The following PCDH15 variants were observed in gnomAD, a reference collection of about 807,000 sequenced individuals.
The protein encoded by PCDH15 is protocadherin-15.
A neutral mutation model predicts 178.5 loss-of-function variants in PCDH15; 129 were observed. The observed-to-expected ratio is 0.72, with a 90% CI of 0.63 to 0.84. PCDH15 has a LOEUF of 0.84. Ranked by LOEUF, PCDH15 falls within the 40% of genes least tolerant of loss-of-function variation. PCDH15 has a pLI of 0.00. For synonymous variants in PCDH15, 800 were observed against 732.0 expected (o/e 1.09, Z -1.50); for missense variants, 2,230 against 2,099.9 (o/e 1.06, Z -1.21).
At chr10:55,539,726 T>C (rs1392142150) in intron 2 of PCDH15, among the ~76,000 whole-genome samples, 2 of 152,120 alleles carry the variant, frequency 1.3e-5, no homozygotes, top group African/African-American at 4.8e-5. Context: ...ACACTATATA[T>C]CGTGAGTTTT....
At chr10:54,628,453 T>G (rs1467966545) in intron 2 of PCDH15, among the ~76,000 whole-genome samples, 2 of 152,174 alleles carry the variant, frequency 1.3e-5, no homozygotes, top group East Asian at 3.8e-4. Flanking sequence ...CCACAATTAT[T>G]TTCTTAAATT....
At chr10:55,394,296 C>T (rs1837871332) in intron 2 of PCDH15, among the ~76,000 whole-genome samples, 1 of 151,600 alleles carries the variant, frequency 6.6e-6, no homozygotes, top group Non-Finnish European at 1.5e-5. Flanking sequence ...CTTCTTTTCC[C>T]TTCATATTTG....
chr10:54,493,366 C>T (rs2079791340), intron 3 of PCDH15, among the ~76,000 whole-genome samples: 1 of 151,926 alleles, frequency 6.6e-6, no homozygotes, highest in Admixed American at 6.6e-5. Flanking sequence ...CTACACCTAC[C>T]CAACCAAGTG....
intron 1 of PCDH15, among the ~76,000 whole-genome samples, chr10:55,308,964 AC>A (rs1471365531): frequency 6.6e-5 from 10 of 152,196 alleles, no homozygotes; most frequent in African/African-American, 2.4e-4. Flanking sequence ...AATGTGAGTC[AC>A]AAAGCAATAC....
chr10:55,506,777 A>G (rs1252850351), intron 2 of PCDH15, among the ~76,000 whole-genome samples: 2 of 151,572 alleles, frequency 1.3e-5, no homozygotes, highest in Admixed American at 1.3e-4. Flanking sequence ...ATATTGTTTT[A>G]GAGCTATTTC....
At chr10:55,249,264 T>C in intron 1 of PCDH15, among the ~76,000 whole-genome samples, 1 of 152,172 alleles carries the variant, frequency 6.6e-6, no homozygotes, top group East Asian at 1.9e-4. Context: ...TCTAGATAGA[T>C]AAAGGACTTA....
At chr10:54,086,848 G>A (rs569142078) in intron 16 of PCDH15, among the ~76,000 whole-genome samples, 3 of 152,212 alleles carry the variant, frequency 2.0e-5, no homozygotes, top group Admixed American at 6.6e-5. Context: ...TAAGAATCAT[G>A]GTCAATTTAG....
intron 20 of PCDH15, among the ~76,000 whole-genome samples, chr10:54,016,331 C>A (rs2610866): frequency 0.76 from 115,922 of 151,710 alleles, 44,547 homozygotes; most frequent in Middle Eastern, 0.86. Flanking sequence ...TTCTCAAGGA[C>A]CTCAAAGCAA....
chr10:54,888,010 A>G (rs1954390107), intron 3 of PCDH15, among the ~76,000 whole-genome samples: 1 of 152,120 alleles, frequency 6.6e-6, no homozygotes, highest in Admixed American at 6.6e-5. Flanking sequence ...GTCCACAATG[A>G]GTATTTTTTA....
chr10:53,919,171 C>G (rs1324737994), intron 25 of PCDH15, among the ~76,000 whole-genome samples: 6 of 152,018 alleles, frequency 3.9e-5, no homozygotes, highest in Non-Finnish European at 7.4e-5. Context: ...TCTGGGAAGT[C>G]CCTTATCTTA....
chr10:55,441,349 C>G (rs1458923968), intron 2 of PCDH15, among the ~76,000 whole-genome samples: 1 of 152,068 alleles, frequency 6.6e-6, no homozygotes, highest in Non-Finnish European at 1.5e-5. Context: ...TGTGTTTGTT[C>G]TGAATTGCAA....
intron 2 of PCDH15, among the ~76,000 whole-genome samples, chr10:55,070,306 G>T (rs1320719209): frequency 3.3e-5 from 5 of 151,824 alleles, no homozygotes; most frequent in African/African-American, 4.8e-5. Context: ...GTCAATTTTG[G>T]CTTTTGTTGC....
At chr10:54,934,318 T>A (rs915254791) in intron 2 of PCDH15, among the ~76,000 whole-genome samples, 7 of 152,154 alleles carry the variant, frequency 4.6e-5, no homozygotes, top group African/African-American at 1.7e-4. Context: ...AAAATATTCA[T>A]GTGTATATAC....
intron 5 of PCDH15, among the ~76,000 whole-genome samples, chr10:54,347,139 G>T (rs1320456365): frequency 6.6e-6 from 1 of 152,094 alleles, no homozygotes; most frequent in Non-Finnish European, 1.5e-5. Flanking sequence ...TAAATTGCTA[G>T]TCTTAATTCT....
chr10:55,330,813 C>T (rs1490377396), intron 2 of PCDH15, among the ~76,000 whole-genome samples: 1 of 148,774 alleles, frequency 6.7e-6, no homozygotes, highest in Non-Finnish European at 1.5e-5. Flanking sequence ...TTCTCATTAT[C>T]TCTCTTAAAT....
At chr10:53,916,162 G>A (rs2083510573) in intron 25 of PCDH15, among the ~76,000 whole-genome samples, 2 of 152,112 alleles carry the variant, frequency 1.3e-5, no homozygotes, top group African/African-American at 4.8e-5. Context: ...TTCTGTGCAT[G>A]TTCATTGTAG....
chr10:55,136,652 A>G (rs2132083501), intron 2 of PCDH15, among the ~76,000 whole-genome samples: 1 of 152,208 alleles, frequency 6.6e-6, no homozygotes, highest in Non-Finnish European at 1.5e-5. Flanking sequence ...GTTTCAAGAG[A>G]AATTTAATTT....
intron 2 of PCDH15, among the ~76,000 whole-genome samples, chr10:55,364,000 G>T (rs1845293049): frequency 6.6e-6 from 1 of 152,038 alleles, no homozygotes; most frequent in Admixed American, 6.6e-5. Context: ...TATGTCAACG[G>T]AGAGATCAGG....
intron 1 of PCDH15, among the ~76,000 whole-genome samples, chr10:54,715,912 G>A (rs1364408874): frequency 6.6e-6 from 1 of 152,144 alleles, no homozygotes; most frequent in Non-Finnish European, 1.5e-5. Flanking sequence ...TTCAGGTGCA[G>A]AGATTGTGGT....
Sources: gnomAD v4.1 joint callset for allele counts (sites outside exome capture counted in the v4.1 genomes callset) on GRCh38, gnomAD v4.1.1 for gene constraint, MANE v1.5 for transcripts, NCBI Gene and HGNC (gene_info 2026-07-23, HGNC 2026-07-21) for gene names.